Variants in ADAM23 observed in about 807,000 individuals in gnomAD.
The protein encoded by ADAM23 is disintegrin and metalloproteinase domain-containing protein 23.
ADAM23 carries 33 observed loss-of-function variants against 120.1 expected under a neutral mutation model. That is an observed-to-expected ratio of 0.27 (90% CI 0.21 to 0.37). The LOEUF (loss-of-function observed/expected upper bound fraction) is 0.37, where lower values mean the gene tolerates loss of function less well. ADAM23 is among the 10% of genes least tolerant of loss of function. The pLI is 1.00. For missense variants in ADAM23, 862 were observed against 1,058.2 expected (o/e 0.81, Z 2.57); for synonymous variants, 367 against 375.2 (o/e 0.98, Z 0.25).
chr2:206,530,825 T>G (rs961893541), intron 3 of ADAM23, 60 bp from the exon 4 acceptor site: 2 of 1,492,728 alleles, frequency 1.3e-6, no homozygotes, highest in African/African-American at 1.4e-5. Flanking sequence ...TTGAGCCGAT[T>G]GTTTTTAAAC....
intron 2 of ADAM23, among the ~76,000 whole-genome samples, chr2:206,458,200 C>G: frequency 1.4e-5 from 1 of 72,976 alleles, no homozygotes; most frequent in East Asian, 3.5e-4. Flanking sequence ...TTACTTAGCC[C>G]CTCTAAGCCC....
At position 206,509,212 on chromosome 2, in the gene ADAM23, C is replaced by T. The variant is rs74908723; in HGVS notation, c.510-21673C>T. Reference sequence around the variant, plus strand: ...GACTGCTCATTATAAAATGTCAAGTCGATACAAAAAGAATACAAAGAAAAA... The same window carrying T: ...GACTGCTCATTATAAAATGTCAAGTTGATACAAAAAGAATACAAAGAAAAA... On this transcript the variant is annotated intron_variant, in intron 3 of 25. Coordinates refer to ENST00000264377, the MANE Select transcript of ADAM23 (RefSeq NM_003812.4). Among the ~76,000 whole-genome samples the T allele has an allele frequency of 5.3e-4, 80 of 151,738 alleles. No homozygotes were observed. In the East Asian group the frequency reaches 0.014, roughly 26 times the overall value.
chr2:206,476,490 G>C (rs2105873521), intron 2 of ADAM23, among the ~76,000 whole-genome samples: 1 of 152,182 alleles, frequency 6.6e-6, no homozygotes, highest in South Asian at 2.1e-4. Flanking sequence ...GATCAGCAGT[G>C]GCATTAGAGT....
intron 4 of ADAM23, among the ~76,000 whole-genome samples, chr2:206,539,040 CATGGCTTCA>C (rs899416173): frequency 1.1e-4 from 17 of 152,126 alleles, no homozygotes; most frequent in African/African-American, 4.1e-4. Flanking sequence ...AAAAGATGGA[CATGGCTTCA>C]ATGTGTCAGT....
chr2:206,564,538 T>C (rs997034402), intron 13 of ADAM23, among the ~76,000 whole-genome samples: 1 of 152,180 alleles, frequency 6.6e-6, no homozygotes, highest in African/African-American at 2.4e-5. Context: ...TCACAGCACA[T>C]AGGTACACCG....
intron 2 of ADAM23, among the ~76,000 whole-genome samples, chr2:206,479,274 C>CA (rs1236516431): frequency 2.0e-5 from 3 of 152,168 alleles, no homozygotes; most frequent in Non-Finnish European, 4.4e-5. Context: ...AGAGTGTTGT[C>CA]AGTGTTTGTA....
At chr2:206,515,099 C>G (rs1406076020) in intron 3 of ADAM23, among the ~76,000 whole-genome samples, 2 of 152,104 alleles carry the variant, frequency 1.3e-5, no homozygotes, top group Non-Finnish European at 2.9e-5. Flanking sequence ...ATAGGTCTTG[C>G]TTTTCTTTAG....
intron 1 of ADAM23, among the ~76,000 whole-genome samples, chr2:206,444,936 G>A (rs1056305571): frequency 6.6e-6 from 1 of 152,172 alleles, no homozygotes; most frequent in African/African-American, 2.4e-5. Context: ...AAGGGGTGGA[G>A]ATCGGGGGCA....
At chr2:206,561,528 A>G (rs1697765544) in intron 12 of ADAM23, among the ~76,000 whole-genome samples, 2 of 151,868 alleles carry the variant, frequency 1.3e-5, no homozygotes, top group South Asian at 2.1e-4. Context: ...TTTTGTTATA[A>G]TGCTCCTCTG....
chr2:206,445,394 T>C lies in ADAM23; in HGVS notation c.302T>C (p.Ile101Thr). The C allele has an allele frequency of 3.7e-6, 6 of 1,613,956 alleles. No homozygotes were observed. Among genetic ancestry groups the C allele is most frequent in the Non-Finnish European group, 5.1e-6 (6 of 1,179,976 alleles). The change falls in exon 2 of 26, where the codon ATC becomes ACC. Residue 101 changes from isoleucine to threonine, a missense_variant. Ile to Thr is a moderately conservative substitution (Grantham distance 89). Transcript: ENST00000264377. ...NTLQQNSSSN[I>T]SYSNAMQKEI... The stretch of plus-strand genomic sequence containing the variant: ...TTGCAACAGAATAGCAGCAGTAATA[T>C]CAGTTACAGCAATGCAATGCAGAAA...
At chr2:206,454,192 G>A (rs368864527) in intron 2 of ADAM23, among the ~76,000 whole-genome samples, 21 of 152,238 alleles carry the variant, frequency 1.4e-4, no homozygotes, top group South Asian at 2.1e-4. Flanking sequence ...TCCACAGGTC[G>A]TACTGGAAGC....
At chr2:206,538,958 T>C (rs957712501) in intron 4 of ADAM23, among the ~76,000 whole-genome samples, 39 of 152,184 alleles carry the variant, frequency 2.6e-4, no homozygotes, top group African/African-American at 9.2e-4. Context: ...TGGATCTTTT[T>C]TTCCCTACAA....
At chr2:206,557,635 A>C in intron 10 of ADAM23, 137 bp downstream of exon 10, 1 of 791,422 alleles carries the variant, frequency 1.3e-6, no homozygotes, top group Non-Finnish European at 2.1e-6. Context: ...GAATTATAGG[A>C]TGGTCCGCTT....
At chr2:206,490,336 A>C (rs1194276786) in intron 3 of ADAM23, among the ~76,000 whole-genome samples, 1 of 152,232 alleles carries the variant, frequency 6.6e-6, no homozygotes, top group Non-Finnish European at 1.5e-5. Flanking sequence ...TTAGCAAACT[A>C]ATACACCGTT....
Position 206,560,140 on chromosome 2 carries a change from T to C in ADAM23, c.1169+22T>C, listed in dbSNP as rs115021397. 2.2e-3 allele frequency: 3,448 copies of C among 1,601,968 alleles called. 78 individuals carry two copies. The African/African-American group carries it at 0.04, about 19-fold the overall frequency. Reference sequence around the variant, plus strand: ...TCTCGTACGTACTCATTTCAGCCTTTAGTGTAGTCTTTGGTCTGACATTTA... The same window carrying C: ...TCTCGTACGTACTCATTTCAGCCTTCAGTGTAGTCTTTGGTCTGACATTTA... On this transcript the variant is annotated intron_variant, in intron 11 of 25. Transcript: ENST00000264377.
chr2:206,498,489 C>G (rs1348601692), intron 3 of ADAM23, among the ~76,000 whole-genome samples: 1 of 152,102 alleles, frequency 6.6e-6, no homozygotes, highest in Non-Finnish European at 1.5e-5. Flanking sequence ...ACACCTTATA[C>G]AAAAATTAAT....
intron 3 of ADAM23, among the ~76,000 whole-genome samples, chr2:206,517,320 G>A (rs55991005): frequency 0.073 from 11,148 of 152,202 alleles, 440 homozygotes; most frequent in Middle Eastern, 0.11. Flanking sequence ...CCACTGCCGT[G>A]TGCTACCTCA....
chr2:206,449,410 A>C (rs1356261404), intron 2 of ADAM23, among the ~76,000 whole-genome samples: 1 of 152,306 alleles, frequency 6.6e-6, no homozygotes, highest in Non-Finnish European at 1.5e-5. Context: ...ATTCATTCTG[A>C]GATAATCCTA....
intron 18 of ADAM23, among the ~76,000 whole-genome samples, chr2:206,584,376 A>G (rs534167827): frequency 6.6e-6 from 1 of 152,294 alleles, no homozygotes; most frequent in East Asian, 1.9e-4. Flanking sequence ...CATCAGCTGT[A>G]GTAGTGTGGA....
Sources: gnomAD v4.1 joint callset for allele counts (sites outside exome capture counted in the v4.1 genomes callset) on GRCh38, gnomAD v4.1.1 for gene constraint, MANE v1.5 for transcripts, NCBI Gene and HGNC (gene_info 2026-07-23, HGNC 2026-07-21) for gene names.